Variants in JADE2 observed in about 807,000 individuals in gnomAD.
The protein encoded by JADE2 is E3 ubiquitin-protein ligase Jade-2.
Under a neutral mutation model 85.7 loss-of-function variants are expected in JADE2, and 13 were observed. The ratio of observed to expected loss-of-function variants is 0.15; its 90% CI spans 0.10 to 0.24. The LOEUF is 0.24. Among genes scored for constraint, JADE2 ranks in the 10% least tolerant of loss-of-function variants. The pLI is 1.00. For synonymous variants in JADE2, 440 were observed against 456.1 expected (o/e 0.96, Z 0.45); for missense variants, 846 against 1,115.9 (o/e 0.76, Z 3.45).
intron 6 of JADE2, 47 bp downstream of exon 6, chr5:134,561,004 G>A (rs186600939): frequency 7.1e-6 from 11 of 1,542,790 alleles, no homozygotes; most frequent in Admixed American, 1.7e-5. Flanking sequence ...GTATACACAC[G>A]CTGCCTGGCA....
chr5:134,542,655 T>A (rs1456831605), intron 3 of JADE2, among the ~76,000 whole-genome samples: 1 of 151,980 alleles, frequency 6.6e-6, no homozygotes, highest in Non-Finnish European at 1.5e-5. Context: ...TTGGTCAGGG[T>A]GGTCTCGAAC....
rs564101548 is a variant in JADE2, at chr5:134,578,049, G to C, written c.1682-445G>C. Among the ~76,000 whole-genome samples, 161 of 152,258 alleles carry C rather than the reference G, an allele frequency of 1.1e-3. No homozygotes were observed. Among genetic ancestry groups the C allele is most frequent in the African/African-American group, 3.8e-3 (158 of 41,558 alleles). ...GGGTAGTGGGCAGGTCCAACTTCGT[G>C]GGTAGCAACCTGTGCAGTGCCACGG... On this transcript the variant is annotated intron_variant, in intron 11 of 11. Transcript: ENST00000681547. This position sits in a 1 kb window ranked among gnomAD's most constrained non-coding sequence, Gnocchi z 4.4.
rs139617649 is a variant in JADE2, at chr5:134,541,676, C to T, written c.153+3593C>T. The stretch of plus-strand genomic sequence containing the variant: ...GCAGAGCCATGGAACTCGTGGTTCA[C>T]TTGTCTCCTCATCTCTAAATGTGGG... On this transcript the variant is annotated intron_variant, in intron 3 of 11. Coordinates refer to ENST00000681547, the MANE Select transcript of JADE2 (RefSeq NM_001388185.1). 3.0e-3 allele frequency among the ~76,000 whole-genome samples: 452 copies of T among 150,934 alleles called. 3 individuals are homozygous for T. The highest frequency in any genetic ancestry group is 0.011 in the African/African-American group (440 of 41,338).
At chr5:134,570,983 T>C (rs1763966871) in intron 9 of JADE2, among the ~76,000 whole-genome samples, 1 of 152,208 alleles carries the variant, frequency 6.6e-6, no homozygotes, top group Non-Finnish European at 1.5e-5. Flanking sequence ...ACCAGCTGGA[T>C]GGTGAGATTT....
At chr5:134,547,604 G>C (rs1762369530) in intron 3 of JADE2, among the ~76,000 whole-genome samples, 1 of 152,172 alleles carries the variant, frequency 6.6e-6, no homozygotes, top group Admixed American at 6.5e-5. Context: ...CCTGCCTCCT[G>C]GAAATTCAAC....
chr5:134,547,546 A>T (rs1184183220), intron 3 of JADE2, among the ~76,000 whole-genome samples: 2 of 152,240 alleles, frequency 1.3e-5, no homozygotes, highest in African/African-American at 4.8e-5. Context: ...TTTAGTTTTC[A>T]TAAATCATTC....
rs2150033268 is a variant in JADE2, at chr5:134,578,939, C to T, written c.2127C>T (p.Pro709=). ...LPSSPAAGDC[P]ILATPESPPP... The stretch of plus-strand genomic sequence containing the variant: ...CCAGCCCTGCAGCCGGGGACTGTCC[C>T]ATCCTAGCCACCCCTGAAAGCCCCC... The change falls in exon 12 of 12, where the codon CCC becomes CCT. Residue 709 remains proline, a synonymous_variant. Transcript: ENST00000681547. This position sits in a 1 kb window ranked among gnomAD's most constrained non-coding sequence, Gnocchi z 4.4. 1.9e-6 allele frequency: 3 copies of T among 1,613,624 alleles called. No individual in the cohort carries two copies. Among genetic ancestry groups the T allele is most frequent in the Non-Finnish European group, 1.7e-6 (2 of 1,179,958 alleles).
chr5:134,549,477 A>G (rs1395507573), intron 3 of JADE2, among the ~76,000 whole-genome samples: 1 of 152,216 alleles, frequency 6.6e-6, no homozygotes, highest in Non-Finnish European at 1.5e-5. Context: ...CCTGGCCAAC[A>G]TGGTGAAACC....
chr5:134,578,992 A>G lies in JADE2; in HGVS notation c.2180A>G (p.Glu727Gly). Reference sequence around the variant, plus strand: ...CCACTGGCCCCTGAGACCCCGGACGAGGCAGCCTCAGTAGCTGCTGACTCA... The same window carrying G: ...CCACTGGCCCCTGAGACCCCGGACGGGGCAGCCTCAGTAGCTGCTGACTCA... Reference protein sequence around the residue: ...PPPLAPETPDEAASVAADSDV... With the variant: ...PPPLAPETPDGAASVAADSDV... Residue 727 changes from glutamate to glycine, a missense_variant, in exon 12 of 12, where the codon GAG becomes GGG. Physicochemically the swap from Glu to Gly is moderately conservative, Grantham distance 98. Transcript: ENST00000681547. This position sits in a 1 kb window ranked among gnomAD's most constrained non-coding sequence, Gnocchi z 4.4. 1.9e-6 allele frequency: 3 copies of G among 1,613,798 alleles called. No homozygotes were observed. The South Asian group carries it at 3.3e-5, about 18-fold the overall frequency.
chr5:134,558,594 A>T (rs1047315385), intron 4 of JADE2, among the ~76,000 whole-genome samples: 4 of 152,260 alleles, frequency 2.6e-5, no homozygotes, highest in Non-Finnish European at 5.9e-5. Flanking sequence ...GCTGGAGTGC[A>T]GTGGCACGAT....
chr5:134,551,074 G>A (rs1023210184), intron 3 of JADE2, among the ~76,000 whole-genome samples: 2 of 152,010 alleles, frequency 1.3e-5, no homozygotes, highest in East Asian at 3.9e-4. Context: ...TTTGCATAAG[G>A]TTTGCATAAG....
intron 3 of JADE2, among the ~76,000 whole-genome samples, chr5:134,545,170 C>T (rs1002941633): frequency 3.3e-5 from 5 of 152,184 alleles, no homozygotes; most frequent in East Asian, 1.9e-4. Flanking sequence ...GTGAGGCAGG[C>T]GGGTTGGGGC....
chr5:134,542,339 A>G (rs6872798), intron 3 of JADE2, among the ~76,000 whole-genome samples: 3,631 of 152,030 alleles, frequency 0.024, 145 homozygotes, highest in African/African-American at 0.078. Context: ...CTGAGAATCT[A>G]ATGGAATTTA....
At chr5:134,553,660 T>C (rs1353996853) in intron 4 of JADE2, among the ~76,000 whole-genome samples, 1 of 152,228 alleles carries the variant, frequency 6.6e-6, no homozygotes, top group Non-Finnish European at 1.5e-5. Flanking sequence ...CCGTAAGCCA[T>C]GCTTTTGACA....
upstream of JADE2, chr5:134,524,255 G>C (rs918317000): frequency 6.6e-6 from 1 of 152,370 alleles, no homozygotes; most frequent in Non-Finnish European, 1.5e-5. Context: ...CCTTCCTCGA[G>C]AGAAGGTGAG....
intron 3 of JADE2, among the ~76,000 whole-genome samples, chr5:134,541,941 A>T (rs1260706652): frequency 6.6e-6 from 1 of 152,262 alleles, no homozygotes; most frequent in African/African-American, 2.4e-5. Context: ...CCAGCTTCCC[A>T]TCTGGCCCTT....
intron 1 of JADE2, chr5:134,526,783 C>T (rs1760855812): frequency 1.0e-6 from 1 of 984,680 alleles, no homozygotes. Flanking sequence ...TGCGGAGCCT[C>T]GGCGCCAGGG....
upstream of JADE2, among the ~76,000 whole-genome samples, chr5:134,525,364 G>A (rs900950326): frequency 2.6e-5 from 4 of 151,946 alleles, no homozygotes; most frequent in Non-Finnish European, 4.4e-5. Context: ...CGGGCTAGGG[G>A]CGCCCCAGAG....
In JADE2 at chr5:134,579,268, G is replaced by A. The variant is rs369603516; in HGVS notation, c.2456G>A (p.Arg819Gln). 2.7e-5 allele frequency: 44 copies of A among 1,613,226 alleles called. No individual in the cohort carries two copies. The highest frequency in any genetic ancestry group is 6.7e-5 in the East Asian group (3 of 44,872). ...GACGGTGGGGTGCAGCGGGGTCCCC[G>A]GGAGGCAGGGGCAGAGGAGGTGGTC... is the stretch of plus-strand genomic sequence containing the variant. ...AEDGGVQRGP[R>Q]EAGAEEVVRM... Residue 819 changes from arginine (R) to glutamine (Q), a missense_variant, in exon 12 of 12, where the codon CGG becomes CAG. Around this residue, in one of 9 missense-constraint regions of JADE2, gnomAD observed 300 missense variants for 300.7 expected, o/e 1.00. Transcript: ENST00000681547. This position sits in a 1 kb window ranked among gnomAD's most constrained non-coding sequence, Gnocchi z 4.6.
Sources: allele counts gnomAD v4.1 joint callset (sites outside exome capture counted in the v4.1 genomes callset), GRCh38; gene constraint gnomAD v4.1.1; regional missense constraint gnomAD v4.1.1; non-coding constraint Gnocchi (gnomAD v3.1); transcripts MANE v1.5; gene names NCBI Gene and HGNC (gene_info 2026-07-23, HGNC 2026-07-21).